The following RABL2B variants were observed in gnomAD, a reference collection of about 807,000 sequenced individuals.
The protein encoded by RABL2B is rab-like protein 2B.
A neutral mutation model predicts 26.7 loss-of-function variants in RABL2B; 17 were observed. The observed-to-expected ratio is 0.64, with a 90% CI of 0.44 to 0.95. RABL2B has a LOEUF of 0.95. Ranked by LOEUF, RABL2B falls within the 40% of genes least tolerant of loss-of-function variation. RABL2B has a pLI of 0.00. For synonymous variants in RABL2B, 70 were observed against 103.9 expected (o/e 0.67, Z 1.99); for missense variants, 170 against 277.2 (o/e 0.61, Z 2.75).
intron 3 of RABL2B, among the ~76,000 whole-genome samples, chr22:50,777,259 G>T (rs1468945642): frequency 6.6e-6 from 1 of 152,224 alleles, no homozygotes; most frequent in African/African-American, 2.4e-5. Flanking sequence ...TTCCGAGGCT[G>T]CAAGAAGCCG....
At chr22:50,773,157 A>C (rs1259869847) in intron 5 of RABL2B, 1 of 1,260,128 alleles carries the variant, frequency 7.9e-7, no homozygotes, top group Non-Finnish European at 1.0e-6. Context: ...ATGCCACTGT[A>C]GGCCTGAAAC....
At chr22:50,780,131 T>C (rs1445028295) in intron 2 of RABL2B, among the ~76,000 whole-genome samples, 2 of 151,702 alleles carry the variant, frequency 1.3e-5, no homozygotes, top group African/African-American at 4.8e-5. Flanking sequence ...CAGGAGGCAG[T>C]GCCCAGGTCT....
At chr22:50,771,925 A>G (rs1434694075) in intron 5 of RABL2B, 1 of 152,144 alleles carries the variant, frequency 6.6e-6, no homozygotes. Context: ...AAATTTTTTT[A>G]AAGTAATTTT....
chr22:50,777,878 G>A lies in RABL2B; in HGVS notation c.137+74C>T, dbSNP rs115444037. ...TCCTGGGCTGCTGGTACAAAGGTGT[G>A]GGCAGTGGGACACTGATACATGAGC... On this transcript the variant is annotated intron_variant, in intron 3 of 8. Transcript: ENST00000691320. The A allele has an allele frequency of 2.0e-3, 3,186 of 1,608,604 alleles. 32 individuals carry two copies. The African/African-American group carries it at 0.031, about 16-fold the overall frequency.
At chr22:50,773,823 A>T (rs1397351611) in intron 5 of RABL2B, among the ~76,000 whole-genome samples, 1 of 151,838 alleles carries the variant, frequency 6.6e-6, no homozygotes, top group Non-Finnish European at 1.5e-5. Context: ...GGCCGTGCGT[A>T]TTTACAGACA....
Position 50,777,978 on chromosome 22 carries a change from G to C in RABL2B, c.111C>G (p.Leu37=), listed in dbSNP as rs374767557. ...AGCCATCCATGAGAAATCTCTCCAT[G>C]AGTCTGTAAGCAGAACAGGCAAGGT... ...LGDSAVGKSK[L]MERFLMDGFQ... Residue 37 remains leucine (L), a synonymous_variant, in exon 3 of 9, where the codon CTC becomes CTG. Coordinates refer to ENST00000691320, the MANE Select transcript of RABL2B (RefSeq NM_001130919.3). 6.2e-7 allele frequency: 1 copy of C among 1,613,970 alleles called. No homozygotes were observed. Among genetic ancestry groups the C allele is most frequent in the Non-Finnish European group, 8.5e-7 (1 of 1,180,020 alleles).
chr22:50,779,796 C>A (rs9616975), intron 2 of RABL2B, among the ~76,000 whole-genome samples: 11,236 of 151,964 alleles, frequency 0.074, 428 homozygotes, highest in African/African-American at 0.09. Flanking sequence ...CCAACCTGGC[C>A]AACATGGCAA....
At chr22:50,772,389 G>T in intron 5 of RABL2B, 1 of 985,600 alleles carries the variant, frequency 1.0e-6, no homozygotes, top group Non-Finnish European at 1.2e-6. Context: ...AGCTCTTAAG[G>T]GCAGAACTCT....
At chr22:50,782,457 G>A (rs535686143) in intron 1 of RABL2B, 110 bp from the exon 2 acceptor site, 2 of 1,475,372 alleles carry the variant, frequency 1.4e-6, no homozygotes, top group East Asian at 2.3e-5. Flanking sequence ...CTGAGATATG[G>A]TATGCAATTG....
chr22:50,776,017 G>A (rs1201699276), intron 4 of RABL2B, among the ~76,000 whole-genome samples, 166 bp from the exon 5 acceptor site: 1 of 152,192 alleles, frequency 6.6e-6, no homozygotes, highest in Non-Finnish European at 1.5e-5. Flanking sequence ...TCAAGACACA[G>A]TGTACCTGAG....
In RABL2B at chr22:50,775,767, C is replaced by T. The variant is rs782660899; in HGVS notation, c.297+5G>A. 7.4e-6 allele frequency: 12 copies of T among 1,613,994 alleles called. No individual in the cohort carries two copies. The highest frequency in any genetic ancestry group is 2.2e-5 in the East Asian group (1 of 44,892). ...GCCTTTGTCCACCTCCCCACCGTCT[C>T]GTACCATGATGCAGGCGTGGGCCTT... On this transcript the variant is annotated splice_donor_5th_base_variant and intron_variant, in intron 5 of 8. Transcript: ENST00000691320.
chr22:50,782,166 A>G, intron 2 of RABL2B, 22 bp downstream of exon 2: 1 of 1,431,628 alleles, frequency 7.0e-7, no homozygotes, highest in African/African-American at 1.5e-5. Flanking sequence ...GCTGGTATTT[A>G]TTCCCTAATC....
intron 5 of RABL2B, among the ~76,000 whole-genome samples, chr22:50,775,338 C>T (rs1300245149): frequency 6.6e-6 from 1 of 152,054 alleles, no homozygotes; most frequent in Non-Finnish European, 1.5e-5. Context: ...CGGGGGGAGG[C>T]GAGGGGCTGG....
intron 5 of RABL2B, among the ~76,000 whole-genome samples, chr22:50,775,233 C>T (rs191434213): frequency 9.8e-4 from 150 of 152,324 alleles, no homozygotes; most frequent in African/African-American, 3.3e-3. Context: ...GCCCTTTCCT[C>T]GGCTGCATTT....
intron 1 of RABL2B, chr22:50,782,629 T>A (rs2147455987): frequency 5.4e-6 from 2 of 372,244 alleles, no homozygotes; most frequent in South Asian, 4.7e-5. Flanking sequence ...CAACATTATG[T>A]CTAGCTCTGT....
At chr22:50,775,234 G>C (rs1430806999) in intron 5 of RABL2B, among the ~76,000 whole-genome samples, 2 of 151,978 alleles carry the variant, frequency 1.3e-5, no homozygotes. Flanking sequence ...CCCTTTCCTC[G>C]GCTGCATTTT....
rs2086210660 is a variant in RABL2B at position 50,783,483 on chromosome 22, G to C, written c.-54+18C>G. On this transcript the variant is annotated intron_variant, in intron 1 of 8. Coordinates refer to ENST00000691320, the MANE Select transcript of RABL2B (RefSeq NM_001130919.3). ...TCCCCGCGTGCTAAGCCAGCCACCG[G>C]GGCGGATTTGCCCTCACGTGCGGTT... 1 of 152,172 alleles carries C rather than the reference G, an allele frequency of 6.6e-6. No individual in the cohort carries two copies. Among genetic ancestry groups the C allele is most frequent in the African/African-American group, 2.4e-5 (1 of 41,460 alleles). 9.4% of individuals were successfully genotyped at this position (152,172 alleles called of 1,614,324 possible). A position where few individuals can be genotyped will look rare whatever the true frequency, so the allele number is the denominator to read the frequency against.
chr22:50,782,571 C>G (rs2086068166), intron 1 of RABL2B, among the ~76,000 whole-genome samples: 1 of 152,014 alleles, frequency 6.6e-6, no homozygotes, highest in Non-Finnish European at 1.5e-5. Context: ...CTCACGTTAC[C>G]CATTTGCACA....
In RABL2B at chr22:50,776,086, AGGAG is replaced by A. The variant is rs569907374; in HGVS notation, c.218-239_218-236del. ...ATGGGAAGACAGTGGGTCAGGGGCC[AGGAG>A]GAAGGACAACACACTGGAAGCCCAA... is the stretch of plus-strand genomic sequence containing the variant. On this transcript the variant is annotated intron_variant, in intron 4 of 8. Coordinates refer to ENST00000691320, the MANE Select transcript of RABL2B (RefSeq NM_001130919.3). 4.4e-4 allele frequency among the ~76,000 whole-genome samples: 67 copies of A among 152,252 alleles called. No homozygotes were observed. In the South Asian group the frequency reaches 4.8e-3, roughly 11 times the overall value.
Sources: allele counts gnomAD v4.1 joint callset (sites outside exome capture counted in the v4.1 genomes callset), GRCh38; gene constraint gnomAD v4.1.1; transcripts MANE v1.5; gene names NCBI Gene and HGNC (gene_info 2026-07-23, HGNC 2026-07-21).